The following MRPL58 variants were observed in gnomAD, a reference collection of about 807,000 sequenced individuals.
The protein encoded by MRPL58 is large ribosomal subunit protein mL62.
A neutral mutation model predicts 26.0 loss-of-function variants in MRPL58; 17 were observed. The ratio of observed to expected loss-of-function variants is 0.65; its 90% confidence interval spans 0.45 to 0.98. The LOEUF is 0.98. Among genes scored for constraint, MRPL58 ranks in the 50% least tolerant of loss-of-function variants. MRPL58 has a pLI of 0.00. For synonymous variants in MRPL58, 100 were observed against 99.7 expected, an observed-to-expected ratio of 1.00 and a Z score of -0.02; for missense variants, 250 against 269.0, an observed-to-expected ratio of 0.93 and a Z score of 0.49.
intron 1 of MRPL58, among the ~76,000 whole-genome samples, chr17:75,016,772 G>A (rs2039977239): frequency 6.6e-6 from 1 of 152,214 alleles, no homozygotes; most frequent in Non-Finnish European, 1.5e-5. Context: ...GTTCCCTGAT[G>A]CATGTGCACT....
chr17:75,012,977 C>T (rs998009669), intron 1 of MRPL58, 105 bp downstream of exon 1: 33 of 1,049,378 alleles, frequency 3.1e-5, no homozygotes, highest in Non-Finnish European at 4.4e-5. Context: ...CGGGGGGCTA[C>T]GTGATGGTCG....
Position 75,020,312 on chromosome 17 carries a change from G to C in MRPL58, c.284-1G>C. 1.2e-6 allele frequency: 2 copies of C among 1,613,334 alleles called. No homozygotes were observed. Among genetic ancestry groups the C allele is most frequent in the Non-Finnish European group, 1.7e-6 (2 of 1,179,442 alleles). Reference sequence around the variant, plus strand: ...TGCTCCCTTCTCCCTTTCCTCCACAGTGAATTCCAAGGCAGAAGTCAGGTT... The same window carrying C: ...TGCTCCCTTCTCCCTTTCCTCCACACTGAATTCCAAGGCAGAAGTCAGGTT... On this transcript the variant is annotated splice_acceptor_variant, in intron 3 of 5. Coordinates refer to ENST00000301585, the MANE Select transcript of MRPL58 (RefSeq NM_001545.3). LOFTEE classifies it high-confidence loss of function.
At chr17:75,018,878 C>T (rs556046838) in intron 2 of MRPL58, among the ~76,000 whole-genome samples, 12 of 150,444 alleles carry the variant, frequency 8.0e-5, no homozygotes, top group Non-Finnish European at 1.2e-4. Flanking sequence ...CTCAAGATGA[C>T]TCAAACAGAG....
intron 2 of MRPL58, chr17:75,018,663 G>A (rs902378719): frequency 2.0e-5 from 3 of 152,144 alleles, no homozygotes; most frequent in South Asian, 4.1e-4. Flanking sequence ...CAAACTTGGT[G>A]GCTGAGAGAC....
chr17:75,012,971 G>C (rs563845388), intron 1 of MRPL58, 99 bp downstream of exon 1: 7 of 1,156,486 alleles, frequency 6.1e-6, no homozygotes, highest in Non-Finnish European at 8.6e-6. Flanking sequence ...CTACGTCGGG[G>C]GGCTACGTGA....
rs374830260 is a variant in MRPL58 at position 75,020,514 on chromosome 17, A to C, written c.393A>C (p.Gly131=). The change falls in exon 5 of 6, where the codon GGA becomes GGC. Residue 131 remains glycine (G), a synonymous_variant. Coordinates refer to ENST00000301585, the MANE Select transcript of MRPL58 (RefSeq NM_001545.3). The part of the protein sequence containing the change: ...ITHKNKINRL[G]ELILTSESSR... ...ATAAAAACAAGATCAACAGGTTAGG[A>C]GAGTTGATCCTCACCTCTGAGAGCA... The C allele has an allele frequency of 6.1e-5, 99 of 1,614,034 alleles. No homozygotes were observed. The highest frequency in any genetic ancestry group is 8.3e-5 in the Non-Finnish European group (98 of 1,180,002).
chr17:75,017,152 G>A lies in MRPL58; in HGVS notation c.223+38G>A, dbSNP rs771415627. On this transcript the variant is annotated intron_variant, in intron 2 of 5. Transcript: ENST00000301585. Reference sequence around the variant, plus strand: ...GTTTTCTTAAAAATCAGTTGGCTGCGTGGTGGCATGTGCCTGTAATCCCAG... The same window carrying A: ...GTTTTCTTAAAAATCAGTTGGCTGCATGGTGGCATGTGCCTGTAATCCCAG... 1.8e-5 allele frequency: 27 copies of A among 1,480,520 alleles called. No homozygotes were observed. The Middle Eastern group carries it at 5.9e-4, about 33-fold the overall frequency. 91.7% of individuals were successfully genotyped at this position (1,480,520 alleles called of 1,614,324 possible).
chr17:75,018,176 C>T (rs1307437118), intron 2 of MRPL58, among the ~76,000 whole-genome samples: 1 of 152,032 alleles, frequency 6.6e-6, no homozygotes, highest in African/African-American at 2.4e-5. Context: ...AAGAGGAAGA[C>T]ACAGGAGAGT....
chr17:75,014,758 C>T (rs2039961252), intron 1 of MRPL58, among the ~76,000 whole-genome samples: 1 of 152,058 alleles, frequency 6.6e-6, no homozygotes, highest in Non-Finnish European at 1.5e-5. Context: ...AGTCTGGGGC[C>T]TTGAGCAGTG....
In MRPL58 at chr17:75,019,703, G is replaced by A. The variant is rs753423038; in HGVS notation, c.227G>A (p.Arg76His). ...TGTACTTTCTTCTGTTTTACAGATC[G>A]CTTGACAATATCTTATTGTCGGAGT... ...KQADSDIPLD[R>H]LTISYCRSSG... The change falls in exon 3 of 6, where the codon CGC (arginine) becomes CAC (histidine). Residue 76 changes from arginine (R) to histidine (H), a missense_variant. Coordinates refer to ENST00000301585, the MANE Select transcript of MRPL58 (RefSeq NM_001545.3). The A allele has an allele frequency of 5.1e-5, 82 of 1,612,736 alleles. No homozygotes were observed. Among genetic ancestry groups the A allele is most frequent in the Non-Finnish European group, 6.1e-5 (72 of 1,179,074 alleles).
chr17:75,019,148 G>C (rs1414235510), intron 2 of MRPL58, among the ~76,000 whole-genome samples: 1 of 150,174 alleles, frequency 6.7e-6, no homozygotes, highest in East Asian at 1.9e-4. Context: ...AAAAAATGAA[G>C]CTGTGCCCTA....
chr17:75,012,937 C>T, intron 1 of MRPL58, 65 bp downstream of exon 1: 1 of 1,438,606 alleles, frequency 7.0e-7, no homozygotes, highest in Admixed American at 2.1e-5. Flanking sequence ...TTAGGAACCC[C>T]AGGCCCATTG....
At chr17:75,018,279 T>G (rs539077433) in intron 2 of MRPL58, among the ~76,000 whole-genome samples, 1 of 151,984 alleles carries the variant, frequency 6.6e-6, no homozygotes, top group East Asian at 1.9e-4. Flanking sequence ...TCACCCAGGC[T>G]GGAGTGCAGT....
intron 1 of MRPL58, among the ~76,000 whole-genome samples, chr17:75,014,418 C>T (rs1488912346): frequency 2.2e-5 from 3 of 135,880 alleles, no homozygotes; most frequent in Non-Finnish European, 3.1e-5. Flanking sequence ...GTCTTGATCA[C>T]GGGCGTGAGC....
intron 1 of MRPL58, among the ~76,000 whole-genome samples, chr17:75,013,552 A>G (rs1311431944): frequency 6.6e-6 from 1 of 152,208 alleles, no homozygotes. Flanking sequence ...CAGTAAGTAA[A>G]TGACTAATAT....
chr17:75,012,701 G>T lies in MRPL58; in HGVS notation c.15G>T (p.Arg5Ser), dbSNP rs746644693. The change falls in exon 1 of 6, where the codon AGG becomes AGT. Residue 5 changes from arginine to serine, a missense_variant. By Grantham distance (110) the Arg-to-Ser change is moderately radical (BLOSUM62 -1). Transcript: ENST00000301585. ...AAGACCTGAGCATGGCGGCCACCAGGTGCCTGCGCTGGGGCCTGAGCCGAG... is the reference window on the plus strand; with the variant it reads ...AAGACCTGAGCATGGCGGCCACCAGTTGCCTGCGCTGGGGCCTGAGCCGAG... MAAT[R>S]CLRWGLSRAG... 5.8e-6 allele frequency: 9 copies of T among 1,557,636 alleles called. No individual in the cohort carries two copies. The South Asian group carries it at 1.1e-4, about 18-fold the overall frequency.
chr17:75,015,236 C>G (rs576585725), intron 1 of MRPL58, among the ~76,000 whole-genome samples: 30 of 152,316 alleles, frequency 2.0e-4, no homozygotes, highest in South Asian at 1.7e-3. Flanking sequence ...CCTATAATCC[C>G]AGCACTTTGA....
intron 5 of MRPL58, 110 bp downstream of exon 5, chr17:75,020,767 G>A (rs2040011531): frequency 7.6e-7 from 1 of 1,308,836 alleles, no homozygotes; most frequent in East Asian, 2.3e-5. Context: ...AGAAACTCTA[G>A]GAAGAGGAGA....
At chr17:75,020,690 G>A (rs2040010825) in intron 5 of MRPL58, 33 bp downstream of exon 5, 5 of 1,603,550 alleles carry the variant, frequency 3.1e-6, no homozygotes, top group Non-Finnish European at 4.3e-6. Flanking sequence ...GCTATAAACT[G>A]ATTTGTGTGG....
Sources: gnomAD v4.1 joint callset for allele counts (sites outside exome capture counted in the v4.1 genomes callset) on GRCh38, gnomAD v4.1.1 for gene constraint, MANE v1.5 for transcripts, NCBI Gene and HGNC (gene_info 2026-07-23, HGNC 2026-07-21) for gene names.